Variants in ANKRD11 observed in about 807,000 individuals in gnomAD.
ANKRD11 encodes the protein ankyrin repeat domain-containing protein 11.
ANKRD11 carries 17 observed loss-of-function variants against 195.7 expected under a neutral mutation model. The ratio of observed to expected loss-of-function variants is 0.09; its 90% CI spans 0.06 to 0.13. The LOEUF (loss-of-function observed/expected upper bound fraction) is 0.13. Ranked by LOEUF, ANKRD11 falls within the 10% of genes least tolerant of loss-of-function variation. The probability of loss-of-function intolerance (pLI) is 1.00; values close to 1 mark genes in which losing one functional copy is unlikely to be tolerated. For synonymous variants in ANKRD11, 1,953 were observed against 1,528.1 expected (o/e 1.28, Z -6.49); for missense variants, 3,735 against 3,566.1 (o/e 1.05, Z -1.21).
chr16:89,313,191 G>A (rs928735164), intron 3 of ANKRD11: 1 of 1,015,662 alleles, frequency 9.8e-7, no homozygotes, highest in Non-Finnish European at 1.3e-6. Flanking sequence ...TCAGGGGGCT[G>A]TGAGGCTGCC....
rs770331336 is a variant in ANKRD11 at position 89,281,355 on chromosome 16, G to C, written c.5187C>G (p.Ala1729=). 2 of 1,611,232 alleles carry C rather than the reference G, an allele frequency of 1.2e-6. No individual in the cohort carries two copies. The highest frequency in any genetic ancestry group is 1.7e-5 in the Admixed American group (1 of 59,944). The part of the protein sequence containing the change: ...MHTPRTPSCS[A]DDYADLVFDC... ...CGAACACGAGGTCCGCGTAGTCATCGGCGCTGCAGGACGGGGTCCTGGGCG... is the reference window on the plus strand; with the variant it reads ...CGAACACGAGGTCCGCGTAGTCATCCGCGCTGCAGGACGGGGTCCTGGGCG... The change falls in exon 9 of 13, where the codon GCC becomes GCG. Residue 1729 remains alanine, a synonymous_variant. Transcript: ENST00000301030. The surrounding 1 kb of genome is among the most constrained non-coding windows in gnomAD (Gnocchi z 5.5).
chr16:89,359,105 A>T (rs938441757), intron 2 of ANKRD11, among the ~76,000 whole-genome samples: 37 of 152,160 alleles, frequency 2.4e-4, no homozygotes, highest in Admixed American at 3.9e-4. Context: ...AATATTCCAA[A>T]ATATATAAAA....
At chr16:89,342,372 C>T (rs947841163) in intron 2 of ANKRD11, among the ~76,000 whole-genome samples, 1 of 152,226 alleles carries the variant, frequency 6.6e-6, no homozygotes, top group Non-Finnish European at 1.5e-5. Flanking sequence ...ACGTTGAACT[C>T]CCCAGAGATG....
chr16:89,274,445 G>A (rs1427125628), intron 11 of ANKRD11, among the ~76,000 whole-genome samples: 1 of 152,214 alleles, frequency 6.6e-6, no homozygotes, highest in Non-Finnish European at 1.5e-5. Flanking sequence ...TGGGGTGCCT[G>A]AGAGCAGCAG....
chr16:89,391,482 G>A (rs1348370779), intron 2 of ANKRD11, among the ~76,000 whole-genome samples: 1 of 152,184 alleles, frequency 6.6e-6, no homozygotes, highest in African/African-American at 2.4e-5. Context: ...CCCTGCTGCT[G>A]GGCAGAAAGC....
chr16:89,286,056 C>T lies in ANKRD11; in HGVS notation c.875G>A (p.Ser292Asn). The T allele has an allele frequency of 6.2e-7, 1 of 1,614,232 alleles. No individual in the cohort carries two copies. ...LLLGKGTYTS[S>N]EESSTESSEE... The stretch of plus-strand genomic sequence containing the variant: ...TGACTTACCCGTCGAGCTCTCCTCG[C>T]TGGAAGTGTAAGTGCCTTTGCCTAA... The change falls in exon 8 of 13, where the codon AGC (serine) becomes AAC (asparagine). Residue 292 changes from serine (S) to asparagine (N), a missense_variant. By Grantham distance (46) the Ser-to-Asn change is conservative. Coordinates refer to ENST00000301030, the MANE Select transcript of ANKRD11 (RefSeq NM_013275.6).
chr16:89,356,564 G>A (rs1385338270), intron 2 of ANKRD11, among the ~76,000 whole-genome samples: 1 of 149,832 alleles, frequency 6.7e-6, no homozygotes, highest in Non-Finnish European at 1.5e-5. Flanking sequence ...GAGGTCAGGA[G>A]ATCGAGACCA....
intron 1 of ANKRD11, among the ~76,000 whole-genome samples, chr16:89,455,599 C>A (rs2056399096): frequency 6.6e-6 from 1 of 151,992 alleles, no homozygotes; most frequent in Non-Finnish European, 1.5e-5. Flanking sequence ...TAAAAAACTT[C>A]TAACAAGCAG....
intron 2 of ANKRD11, among the ~76,000 whole-genome samples, chr16:89,408,110 CAA>C (rs1462739688): frequency 6.6e-6 from 1 of 152,142 alleles, no homozygotes; most frequent in African/African-American, 2.4e-5. Flanking sequence ...ACTGGCCAGG[CAA>C]AGAGAGGCCA....
At chr16:89,473,650 T>C (rs890762568) in intron 1 of ANKRD11, among the ~76,000 whole-genome samples, 2 of 152,100 alleles carry the variant, frequency 1.3e-5, no homozygotes, top group African/African-American at 4.8e-5. Context: ...TGATACGTCA[T>C]GGAGGAGAGA....
At chr16:89,352,815 C>T (rs1465281018) in intron 2 of ANKRD11, among the ~76,000 whole-genome samples, 1 of 152,206 alleles carries the variant, frequency 6.6e-6, no homozygotes, top group African/African-American at 2.4e-5. Context: ...AAGATGACCA[C>T]ATGGGCCCCC....
At chr16:89,301,435 C>CAGAT in intron 4 of ANKRD11, 1 of 396,814 alleles carries the variant, frequency 2.5e-6, no homozygotes, top group Non-Finnish European at 4.4e-6. Flanking sequence ...ACTTCAAAAG[C>CAGAT]AGATACAAGA....
intron 1 of ANKRD11, among the ~76,000 whole-genome samples, chr16:89,434,036 G>A (rs2043109813): frequency 6.6e-6 from 1 of 152,148 alleles, no homozygotes; most frequent in Non-Finnish European, 1.5e-5. Flanking sequence ...CCCCTAGTGT[G>A]TCACCTACAG....
At chr16:89,380,486 C>A (rs2040597463) in intron 2 of ANKRD11, among the ~76,000 whole-genome samples, 2 of 152,154 alleles carry the variant, frequency 1.3e-5, no homozygotes. Flanking sequence ...TTCCTTGGGG[C>A]TACTCCAGAG....
chr16:89,486,648 G>C (rs958713950), intron 1 of ANKRD11, among the ~76,000 whole-genome samples: 4 of 152,158 alleles, frequency 2.6e-5, no homozygotes, highest in African/African-American at 9.7e-5. Context: ...GCTTGGGGCA[G>C]GGTCAAGAAT....
rs1025761111 is a variant in ANKRD11 at position 89,280,626 on chromosome 16, G to C, written c.5916C>G (p.Ser1972Arg). Residue 1972 changes from serine to arginine, a missense_variant, in exon 9 of 13, where the codon AGC becomes AGG. Transcript: ENST00000301030. The stretch of plus-strand genomic sequence containing the variant: ...GCAGGAGGTCCGAGCCCACAGGCCA[G>C]CTCACAGGGTTTTCAGAGGTGCCCC... ...LIGGTSENPVSWPVGSDLLLK... is the reference protein window; with the variant it reads ...LIGGTSENPVRWPVGSDLLLK... 5 of 1,613,496 alleles carry C rather than the reference G, an allele frequency of 3.1e-6. No individual in the cohort carries two copies. The highest frequency in any genetic ancestry group is 1.7e-5 in the Admixed American group (1 of 60,034).
At chr16:89,332,663 A>T (rs1194799742) in intron 2 of ANKRD11, among the ~76,000 whole-genome samples, 3 of 152,214 alleles carry the variant, frequency 2.0e-5, no homozygotes, top group African/African-American at 4.8e-5. Context: ...AACGACAAAC[A>T]CAACGAGAGA....
intron 4 of ANKRD11, among the ~76,000 whole-genome samples, chr16:89,304,679 T>C (rs2036071164): frequency 6.6e-6 from 1 of 150,578 alleles, no homozygotes; most frequent in East Asian, 2.0e-4. Flanking sequence ...TGGGCACACA[T>C]ACACACAGGC....
At chr16:89,324,634 G>A (rs1301972431) in intron 2 of ANKRD11, 2 of 399,318 alleles carry the variant, frequency 5.0e-6, no homozygotes, top group Non-Finnish European at 1.0e-5. Context: ...TGGACTGGCT[G>A]AGTCTTCCAG....
Sources: gnomAD v4.1 joint callset for allele counts (sites outside exome capture counted in the v4.1 genomes callset) on GRCh38, gnomAD v4.1.1 for gene constraint, Gnocchi (gnomAD v3.1) non-coding constraint, MANE v1.5 for transcripts, NCBI Gene and HGNC (gene_info 2026-07-23, HGNC 2026-07-21) for gene names.